CORO2B: variants seen among roughly 807,000 people sequenced by gnomAD.
CORO2B encodes coronin 2B, also known as coronin-2B.
Under a neutral mutation model 58.8 loss-of-function variants are expected in CORO2B, and 26 were observed. The observed-to-expected ratio is 0.44, with a 90% CI of 0.32 to 0.61. The LOEUF (loss-of-function observed/expected upper bound fraction) is 0.61, where lower values mean the gene tolerates loss of function less well. CORO2B is among the 20% of genes least tolerant of loss of function. The probability of loss-of-function intolerance (pLI) is 0.04; values close to 1 mark genes in which losing one functional copy is unlikely to be tolerated. For synonymous variants in CORO2B, 242 were observed against 253.8 expected (o/e 0.95, Z 0.44); for missense variants, 460 against 645.1 (o/e 0.71, Z 3.11).
chr15:68,668,757 G>A (rs1178058241), intron 2 of CORO2B, among the ~76,000 whole-genome samples: 1 of 152,136 alleles, frequency 6.6e-6, no homozygotes, highest in East Asian at 1.9e-4. Context: ...GCTAAACAAA[G>A]AAATATGGTA....
intron 2 of CORO2B, among the ~76,000 whole-genome samples, chr15:68,666,530 C>T (rs1337805444): frequency 6.6e-6 from 1 of 152,160 alleles, no homozygotes; most frequent in Non-Finnish European, 1.5e-5. Flanking sequence ...CTCTTTCTTT[C>T]TGTCTACTAC....
chr15:68,530,700 T>A, the CORO2B span, among the ~76,000 whole-genome samples: 1 of 152,224 alleles, frequency 6.6e-6, no homozygotes, highest in African/African-American at 2.4e-5. Flanking sequence ...TGCTTTATTA[T>A]AATTAAATAT....
intron 2 of CORO2B, among the ~76,000 whole-genome samples, chr15:68,672,061 G>T (rs1481019724): frequency 6.6e-6 from 1 of 152,064 alleles, no homozygotes; most frequent in Non-Finnish European, 1.5e-5. Flanking sequence ...GTGAACCGGG[G>T]TGAAAAGATC....
intron 1 of CORO2B, chr15:68,632,280 C>T: frequency 4.1e-6 from 4 of 985,480 alleles, no homozygotes; most frequent in Non-Finnish European, 4.8e-6. Flanking sequence ...CTTGGATGTG[C>T]AAAGAAGATA....
At chr15:68,548,315 T>C in the CORO2B span, among the ~76,000 whole-genome samples, 1 of 152,282 alleles carries the variant, frequency 6.6e-6, no homozygotes, top group Non-Finnish European at 1.5e-5. Flanking sequence ...GTTCTTCTAC[T>C]AATGGCCAGT....
At chr15:68,686,899 C>CAA (rs1205410989) in intron 2 of CORO2B, among the ~76,000 whole-genome samples, 1 of 115,592 alleles carries the variant, frequency 8.7e-6, no homozygotes, top group African/African-American at 3.1e-5. Context: ...AACTCCGTCT[C>CAA]AAAAAAAAAA....
chr15:68,612,482 G>T (rs999322547), intron 1 of CORO2B, among the ~76,000 whole-genome samples: 57 of 152,346 alleles, frequency 3.7e-4, no homozygotes, highest in African/African-American at 1.3e-3. Context: ...TGATGTGGAA[G>T]TGAGTGCTCT....
chr15:68,704,266 AT>A (rs1892731861), intron 3 of CORO2B, among the ~76,000 whole-genome samples: 1 of 151,972 alleles, frequency 6.6e-6, no homozygotes, highest in Non-Finnish European at 1.5e-5. Flanking sequence ...CTATAACCCA[AT>A]TACATCTAAA....
chr15:68,581,142 G>A (rs1334281796), intron 1 of CORO2B, among the ~76,000 whole-genome samples: 2 of 152,130 alleles, frequency 1.3e-5, no homozygotes, highest in Non-Finnish European at 2.9e-5. Context: ...ATGAAAGTGG[G>A]TGCTTACCTG....
At chr15:68,705,854 C>T (rs1279024406) in intron 3 of CORO2B, among the ~76,000 whole-genome samples, 1 of 151,246 alleles carries the variant, frequency 6.6e-6, no homozygotes, top group Non-Finnish European at 1.5e-5. Flanking sequence ...CAGGTACAGT[C>T]TCTATTTTCT....
At chr15:68,600,201 C>T (rs1230488467) in intron 1 of CORO2B, among the ~76,000 whole-genome samples, 38 of 152,326 alleles carry the variant, frequency 2.5e-4, no homozygotes, top group South Asian at 2.1e-4. Flanking sequence ...ACATCAAATT[C>T]CAATAGCCTA....
chr15:68,708,051 TC>T (rs1441654747), intron 3 of CORO2B, among the ~76,000 whole-genome samples: 2 of 152,130 alleles, frequency 1.3e-5, no homozygotes, highest in East Asian at 1.9e-4. Context: ...TTTCAAACTC[TC>T]CCCAAATTAT....
chr15:68,658,889 G>A (rs184396027), intron 2 of CORO2B, among the ~76,000 whole-genome samples: 13 of 152,296 alleles, frequency 8.5e-5, no homozygotes, highest in Non-Finnish European at 1.3e-4. Context: ...AAGTGCTGTC[G>A]CTGTCCCCAG....
chr15:68,625,138 G>A (rs1305353465), intron 1 of CORO2B, among the ~76,000 whole-genome samples: 1 of 152,092 alleles, frequency 6.6e-6, no homozygotes, highest in Non-Finnish European at 1.5e-5. Flanking sequence ...CGAGCATGCC[G>A]CTGTATGCTG....
At chr15:68,519,836 G>A in the CORO2B span, among the ~76,000 whole-genome samples, 2 of 152,178 alleles carry the variant, frequency 1.3e-5, no homozygotes, top group South Asian at 4.1e-4. Flanking sequence ...AGCATAGCAA[G>A]CATAGCTTTA....
intron 2 of CORO2B, among the ~76,000 whole-genome samples, chr15:68,659,261 G>A (rs186893405): frequency 3.6e-4 from 55 of 152,234 alleles, no homozygotes; most frequent in African/African-American, 1.3e-3. Flanking sequence ...GCTGACCCCT[G>A]CACCATTGAA....
At chr15:68,692,639 T>TTTG (rs1439157287) in intron 2 of CORO2B, among the ~76,000 whole-genome samples, 1 of 149,816 alleles carries the variant, frequency 6.7e-6, no homozygotes, top group East Asian at 2.0e-4. Flanking sequence ...TTCCTTTTTT[T>TTTG]TTTGTTTTTT....
intron 2 of CORO2B, among the ~76,000 whole-genome samples, chr15:68,683,138 G>T (rs1902843712): frequency 6.6e-6 from 1 of 152,208 alleles, no homozygotes; most frequent in South Asian, 2.1e-4. Flanking sequence ...TCCTGACCTT[G>T]ACGGAGCTCC....
rs1391210193 is a variant in CORO2B at position 68,635,586 on chromosome 15, A to G, written c.16-9574A>G. On this transcript the variant is annotated intron_variant, in intron 1 of 11. Transcript: ENST00000261861. ...CAAGTCACTCCTCCTCTCTGGGTCT[A>G]TGAAATGAGAGGCTGGATTTAGTGG... Among the ~76,000 whole-genome samples, 6 of 152,286 alleles carry G rather than the reference A, an allele frequency of 3.9e-5. No homozygotes were observed. The East Asian group carries it at 9.6e-4, about 24-fold the overall frequency.
Sources: allele counts gnomAD v4.1 joint callset (sites outside exome capture counted in the v4.1 genomes callset), GRCh38; gene constraint gnomAD v4.1.1; transcripts MANE v1.5; gene names NCBI Gene and HGNC (gene_info 2026-07-23, HGNC 2026-07-21).